Variants in GARNL3 observed in about 807,000 individuals in gnomAD.
GARNL3 encodes GTPase-activating Rap/Ran-GAP domain-like protein 3.
A neutral mutation model predicts 125.0 loss-of-function variants in GARNL3; 63 were observed. The ratio of observed to expected loss-of-function variants is 0.50; its 90% CI spans 0.41 to 0.62. The LOEUF (loss-of-function observed/expected upper bound fraction) is 0.62. Ranked by LOEUF, GARNL3 falls within the 20% of genes least tolerant of loss-of-function variation. GARNL3 has a pLI of 0.00. For synonymous variants in GARNL3, 439 were observed against 457.5 expected, an observed-to-expected ratio of 0.96 and a Z score of 0.52; for missense variants, 994 against 1,244.0, an observed-to-expected ratio of 0.80 and a Z score of 3.02.
chr9:127,265,026 G>A lies in GARNL3; in HGVS notation c.144+5G>A. On this transcript the variant is annotated splice_donor_5th_base_variant and intron_variant, in intron 1 of 27. Coordinates refer to ENST00000373387, the MANE Select transcript of GARNL3 (RefSeq NM_032293.5). ...CATTATGGATCTGTGGAGCTGGTAA[G>A]TTTATGCTGTCTGTTCAGTGGTAGT... The A allele has an allele frequency of 6.2e-7, 1 of 1,611,046 alleles. No individual in the cohort carries two copies. The highest frequency in any genetic ancestry group is 8.5e-7 in the Non-Finnish European group (1 of 1,178,206).
chr9:127,322,565 G>A (rs1298898433), intron 6 of GARNL3, among the ~76,000 whole-genome samples: 1 of 152,132 alleles, frequency 6.6e-6, no homozygotes. Flanking sequence ...CTTGTCCTCT[G>A]TGTGTGTGAG....
At chr9:127,391,531 A>AT (rs1832840524) in intron 27 of GARNL3, among the ~76,000 whole-genome samples, 1 of 63,952 alleles carries the variant, frequency 1.6e-5, no homozygotes, top group African/African-American at 4.2e-5. Context: ...CTACAAAAAA[A>AT]AAATATATAT....
intron 1 of GARNL3, among the ~76,000 whole-genome samples, chr9:127,287,700 C>A (rs2064291907): frequency 6.6e-6 from 1 of 152,232 alleles, no homozygotes; most frequent in Admixed American, 6.5e-5. Context: ...CCCACCCATG[C>A]TCTCCTCAGG....
intron 1 of GARNL3, among the ~76,000 whole-genome samples, chr9:127,232,518 A>C (rs2063036869): frequency 6.6e-6 from 1 of 152,136 alleles, no homozygotes; most frequent in Admixed American, 6.5e-5. Flanking sequence ...TGTGTTGCCC[A>C]GGCTGGCCTC....
At chr9:127,313,864 G>A (rs535639437) in intron 4 of GARNL3, among the ~76,000 whole-genome samples, 1 of 152,232 alleles carries the variant, frequency 6.6e-6, no homozygotes, top group South Asian at 2.1e-4. Context: ...AAAGAATCAA[G>A]CCTTTACAAT....
At chr9:127,230,524 A>G (rs2062981629) in intron 1 of GARNL3, among the ~76,000 whole-genome samples, 2 of 152,074 alleles carry the variant, frequency 1.3e-5, no homozygotes, top group South Asian at 2.1e-4. Flanking sequence ...GTGGTGGCAC[A>G]TGACTGTAAT....
At chr9:127,321,151 G>C (rs896107212) in intron 6 of GARNL3, among the ~76,000 whole-genome samples, 8 of 151,770 alleles carry the variant, frequency 5.3e-5, no homozygotes, top group African/African-American at 1.7e-4. Context: ...TTTTTTAATC[G>C]AAATGGAGTT....
Position 127,339,726 on chromosome 9 carries a change from AT to A in GARNL3, c.1112del (p.Phe371SerfsTer6), listed in dbSNP as rs1564156103. ...TPPVFTDHQE[F>X]RDFLLVKLIN... is the part of the protein sequence containing the mutation. ...CACCAGTGTTTACAGACCACCAGGA[AT>A]TCAGGGACTTTTTGCTAGTGAAATG... On this transcript the variant is annotated frameshift_variant, in exon 13 of 28. Coordinates refer to ENST00000373387, the MANE Select transcript of GARNL3 (RefSeq NM_032293.5). LOFTEE classifies it high-confidence loss of function. The A allele has an allele frequency of 6.2e-7, 1 of 1,613,014 alleles. No homozygotes were observed. Among genetic ancestry groups the A allele is most frequent in the Middle Eastern group, 1.6e-4 (1 of 6,062 alleles).
Position 127,290,285 on chromosome 9 carries a change from T to C in GARNL3, c.145-883T>C, listed in dbSNP as rs567682034. Among the ~76,000 whole-genome samples, 9 of 129,678 alleles carry C rather than the reference T, an allele frequency of 6.9e-5. No individual in the cohort carries two copies. The East Asian group carries it at 2.2e-3, about 31-fold the overall frequency. 85.1% of individuals were successfully genotyped at this position (129,678 alleles called of 152,430 possible). A position where few individuals can be genotyped will look rare whatever the true frequency, so the allele number is the denominator to read the frequency against. On this transcript the variant is annotated intron_variant, in intron 1 of 27. Transcript: ENST00000373387. ...AATTCATTGCAGTTTTTCCCTAAAT[T>C]TTTTCTATTAATTTTTATACCATCG...
chr9:127,356,435 G>A lies in GARNL3; in HGVS notation c.1936-784G>A, dbSNP rs550866946. On this transcript the variant is annotated intron_variant, in intron 20 of 27. Transcript: ENST00000373387. ...CATCTCTTATCTTTTAAAGACTAGG[G>A]TACATTAAGGTATGGAATATATCTA... is the stretch of plus-strand genomic sequence containing the variant. The A allele has an allele frequency of 9.9e-5, 15 of 152,278 alleles. No homozygotes were observed. In the South Asian group the frequency reaches 2.7e-3, roughly 27 times the overall value. 9.4% of individuals were successfully genotyped at this position (152,278 alleles called of 1,614,324 possible).
chr9:127,348,900 T>G lies in GARNL3; in HGVS notation c.1432-24T>G, dbSNP rs189926930. On this transcript the variant is annotated intron_variant, in intron 16 of 27. Transcript: ENST00000373387. ...TGTATTTTTTCTGGTGCACTTATCT[T>G]CCGATGCTTGTATTGCCTCACAGCC... 1.0e-5 allele frequency: 16 copies of G among 1,532,290 alleles called. 1 individual carries two copies. The Admixed American group carries it at 1.6e-4, about 15-fold the overall frequency. 94.9% of individuals were successfully genotyped at this position (1,532,290 alleles called of 1,614,324 possible).
At chr9:127,291,772 C>T (rs114245450) in intron 2 of GARNL3, among the ~76,000 whole-genome samples, 3,381 of 131,736 alleles carry the variant, frequency 0.026, 157 homozygotes, top group African/African-American at 0.093. Context: ...CTCTATCCCA[C>T]GGGGTCTACC....
Position 127,280,162 on chromosome 9 carries a change from G to T in GARNL3, c.145-11006G>T, listed in dbSNP as rs770224131. On this transcript the variant is annotated intron_variant, in intron 1 of 27. Transcript: ENST00000373387. This position sits in a 1 kb window ranked among gnomAD's most constrained non-coding sequence, Gnocchi z 4.5. ...GCCAGCTGTCTAGATCAAAAAACAG[G>T]ATGCAGATTGTGAAGAGGTTAAATC... 3.9e-5 allele frequency among the ~76,000 whole-genome samples: 6 copies of T among 152,198 alleles called. No individual in the cohort carries two copies. Among genetic ancestry groups the T allele is most frequent in the Non-Finnish European group, 8.8e-5 (6 of 68,036 alleles).
At chr9:127,298,799 C>T (rs1244053439) in intron 2 of GARNL3, among the ~76,000 whole-genome samples, 1 of 152,136 alleles carries the variant, frequency 6.6e-6, no homozygotes, top group Non-Finnish European at 1.5e-5. Context: ...ATTATGCCTC[C>T]AGAGTCGACT....
chr9:127,230,993 T>TATGTGTATACACATACAC (rs1347636521), intron 1 of GARNL3, among the ~76,000 whole-genome samples: 1 of 143,370 alleles, frequency 7.0e-6, no homozygotes, highest in African/African-American at 2.7e-5. Flanking sequence ...CACATATATG[T>TATGTGTATACACATACAC]ATATATACAC....
chr9:127,263,112 C>T (rs372102245), upstream of GARNL3, among the ~76,000 whole-genome samples: 2 of 152,310 alleles, frequency 1.3e-5, no homozygotes, highest in African/African-American at 4.8e-5. Context: ...TTATAGCTTG[C>T]TCCCTGGTTG....
At chr9:127,265,974 G>A (rs904818538) in intron 1 of GARNL3, among the ~76,000 whole-genome samples, 12 of 152,196 alleles carry the variant, frequency 7.9e-5, no homozygotes, top group Non-Finnish European at 1.8e-4. Flanking sequence ...TATAAAATGA[G>A]TAAAAGATAC....
chr9:127,325,464 CCT>C (rs1252132196), intron 7 of GARNL3, among the ~76,000 whole-genome samples: 1 of 152,030 alleles, frequency 6.6e-6, no homozygotes, highest in East Asian at 1.9e-4. Flanking sequence ...GTTGCCATTC[CCT>C]GTTGCCCCCA....
At chr9:127,292,075 A>T (rs1172072692) in intron 2 of GARNL3, among the ~76,000 whole-genome samples, 1 of 151,936 alleles carries the variant, frequency 6.6e-6, no homozygotes, top group East Asian at 1.9e-4. Flanking sequence ...TCACTGCCAC[A>T]TTGCCGGTTT....
Sources: allele counts gnomAD v4.1 joint callset (sites outside exome capture counted in the v4.1 genomes callset), GRCh38; gene constraint gnomAD v4.1.1; non-coding constraint Gnocchi (gnomAD v3.1); transcripts MANE v1.5; gene names NCBI Gene and HGNC (gene_info 2026-07-23, HGNC 2026-07-21).